AGBL4: variants seen among roughly 807,000 people sequenced by gnomAD.
AGBL4 encodes the protein AGBL carboxypeptidase 4.
In AGBL4, 58 loss-of-function variants were observed where a neutral mutation model predicts 66.4. That is an observed-to-expected ratio of 0.87 (90% CI 0.71 to 1.09). The LOEUF is 1.09. AGBL4 is among the 50% of genes least tolerant of loss of function. The probability of loss-of-function intolerance (pLI) is 0.00; values close to 1 mark genes in which losing one functional copy is unlikely to be tolerated. For synonymous variants in AGBL4, 234 were observed against 222.9 expected, an observed-to-expected ratio of 1.05 and a Z score of -0.44; for missense variants, 579 against 631.0, an observed-to-expected ratio of 0.92 and a Z score of 0.88.
chr1:48,902,319 G>A (rs1652164145), intron 5 of AGBL4, among the ~76,000 whole-genome samples: 1 of 152,124 alleles, frequency 6.6e-6, no homozygotes, highest in African/African-American at 2.4e-5. Flanking sequence ...ATGTTATGAG[G>A]AAAATGAATA....
intron 6 of AGBL4, among the ~76,000 whole-genome samples, chr1:48,769,572 A>ACACACACACAC (rs1553230018): frequency 3.2e-5 from 2 of 62,680 alleles, no homozygotes; most frequent in African/African-American, 1.0e-4. Context: ...CACACACACA[A>ACACACACACAC]GTTAAATTTT....
chr1:49,102,917 G>C (rs565616747), intron 4 of AGBL4, among the ~76,000 whole-genome samples: 35 of 152,262 alleles, frequency 2.3e-4, no homozygotes, highest in South Asian at 1.0e-3. Flanking sequence ...AGGACAAAGA[G>C]AGATTTTTCT....
chr1:49,146,470 T>A (rs978443249), intron 4 of AGBL4, among the ~76,000 whole-genome samples: 1 of 152,172 alleles, frequency 6.6e-6, no homozygotes, highest in Non-Finnish European at 1.5e-5. Flanking sequence ...ACAGAATCCA[T>A]GTGTCTGTGT....
intron 3 of AGBL4, among the ~76,000 whole-genome samples, chr1:49,474,540 T>G (rs1468718021): frequency 6.6e-6 from 1 of 151,962 alleles, no homozygotes; most frequent in African/African-American, 2.4e-5. Flanking sequence ...AGCCACATGT[T>G]TCCATTCTTG....
At chr1:48,713,748 C>T (rs1005863442) in intron 6 of AGBL4, among the ~76,000 whole-genome samples, 1 of 152,148 alleles carries the variant, frequency 6.6e-6, no homozygotes, top group Non-Finnish European at 1.5e-5. Flanking sequence ...CTCTGCTTGG[C>T]CAGTAGCACT....
chr1:48,755,088 C>T (rs1004796730), intron 6 of AGBL4, among the ~76,000 whole-genome samples: 16 of 152,202 alleles, frequency 1.1e-4, no homozygotes, highest in South Asian at 6.2e-4. Context: ...CAAATGAAGA[C>T]GTGTACGATT....
At chr1:49,481,128 C>T (rs1225781001) in intron 3 of AGBL4, among the ~76,000 whole-genome samples, 1 of 152,000 alleles carries the variant, frequency 6.6e-6, no homozygotes, top group African/African-American at 2.4e-5. Flanking sequence ...TTTTCGGTTC[C>T]ACATGAATTT....
At position 48,553,248 on chromosome 1, in the gene AGBL4, TG is replaced by T. The variant is rs1391942214; in HGVS notation, c.1268-13511del. 2.0e-5 allele frequency among the ~76,000 whole-genome samples: 3 copies of T among 152,164 alleles called. No individual in the cohort carries two copies. In the East Asian group the frequency reaches 5.8e-4, roughly 29 times the overall value. On this transcript the variant is annotated intron_variant, in intron 11 of 13. Coordinates refer to ENST00000371839, the MANE Select transcript of AGBL4 (RefSeq NM_032785.4). ...AGCTGGGCCCCAGCTCAGCAGTGCC[TG>T]GGACTTTGATGCAGTTCAACCTGAG...
At chr1:49,906,902 AATCCAC>A (rs1187914922) in intron 1 of AGBL4, among the ~76,000 whole-genome samples, 1 of 152,094 alleles carries the variant, frequency 6.6e-6, no homozygotes, top group Non-Finnish European at 1.5e-5. Flanking sequence ...AATTTCCTTA[AATCCAC>A]ATTTTCTTAC....
intron 3 of AGBL4, among the ~76,000 whole-genome samples, chr1:49,348,193 C>T (rs1020530845): frequency 6.6e-6 from 1 of 151,914 alleles, no homozygotes; most frequent in African/African-American, 2.4e-5. Flanking sequence ...CTGAGGCAGG[C>T]GGATCACGAG....
At chr1:48,550,163 T>TCGAGTC (rs1644228114) in intron 11 of AGBL4, among the ~76,000 whole-genome samples, 1 of 152,104 alleles carries the variant, frequency 6.6e-6, no homozygotes, top group Non-Finnish European at 1.5e-5. Context: ...ACTATAAGGC[T>TCGAGTC]CGAAATTAGT....
At chr1:48,682,109 G>A (rs192015952) in intron 6 of AGBL4, among the ~76,000 whole-genome samples, 118 of 152,342 alleles carry the variant, frequency 7.7e-4, no homozygotes, top group African/African-American at 2.7e-3. Context: ...GGCCATGTGA[G>A]GACAGGGGAA....
At chr1:48,720,657 A>T (rs1647131159) in intron 6 of AGBL4, among the ~76,000 whole-genome samples, 1 of 152,224 alleles carries the variant, frequency 6.6e-6, no homozygotes, top group Non-Finnish European at 1.5e-5. Context: ...TTAGTTAATT[A>T]AAAAACATCA....
At chr1:49,674,521 A>G (rs1379806479) in intron 3 of AGBL4, among the ~76,000 whole-genome samples, 2 of 147,802 alleles carry the variant, frequency 1.4e-5, no homozygotes, top group Non-Finnish European at 3.0e-5. Context: ...TTATATATAA[A>G]TTTATATATT....
At chr1:49,935,503 G>A (rs1571904330) in intron 1 of AGBL4, among the ~76,000 whole-genome samples, 1 of 152,138 alleles carries the variant, frequency 6.6e-6, no homozygotes, top group East Asian at 1.9e-4. Context: ...GCAGGCAGCT[G>A]GAGATCTGAG....
intron 3 of AGBL4, among the ~76,000 whole-genome samples, chr1:49,333,252 G>A: frequency 6.6e-6 from 1 of 152,154 alleles, no homozygotes; most frequent in East Asian, 1.9e-4. Context: ...GGCCAAGGCG[G>A]GTGGATCATG....
At chr1:49,135,617 G>A (rs1645995373) in intron 4 of AGBL4, among the ~76,000 whole-genome samples, 1 of 152,174 alleles carries the variant, frequency 6.6e-6, no homozygotes, top group African/African-American at 2.4e-5. Context: ...GAAGAGATGG[G>A]CTGAATTAAA....
At chr1:49,940,856 A>AT (rs1279112538) in intron 1 of AGBL4, among the ~76,000 whole-genome samples, 3 of 152,110 alleles carry the variant, frequency 2.0e-5, no homozygotes, top group African/African-American at 7.2e-5. Flanking sequence ...TATAATAATA[A>AT]TAAAAAAAAT....
intron 3 of AGBL4, among the ~76,000 whole-genome samples, chr1:49,603,118 C>T (rs1036025179): frequency 6.6e-6 from 1 of 152,090 alleles, no homozygotes; most frequent in Non-Finnish European, 1.5e-5. Flanking sequence ...GCCTTTCAAA[C>T]CCCTGCTCCT....
Sources: gnomAD v4.1 joint callset for allele counts (sites outside exome capture counted in the v4.1 genomes callset) on GRCh38, gnomAD v4.1.1 for gene constraint, MANE v1.5 for transcripts, NCBI Gene and HGNC (gene_info 2026-07-23, HGNC 2026-07-21) for gene names.